SEC16A: variants seen among roughly 807,000 people sequenced by gnomAD.
The protein encoded by SEC16A is SEC16 homolog A, endoplasmic reticulum export factor.
SEC16A carries 110 observed loss-of-function variants against 221.9 expected under a neutral mutation model. The observed-to-expected ratio is 0.50, with a 90% confidence interval of 0.42 to 0.58. SEC16A has a LOEUF of 0.58. SEC16A is among the 20% of genes least tolerant of loss of function. The probability of loss-of-function intolerance (pLI) is 0.00; values close to 1 mark genes in which losing one functional copy is unlikely to be tolerated. For missense variants in SEC16A, 3,165 were observed against 3,097.8 expected (o/e 1.02, Z -0.52); for synonymous variants, 1,393 against 1,257.7 (o/e 1.11, Z -2.28).
chr9:136,478,653 T>C (rs1030049257), intron 2 of SEC16A, among the ~76,000 whole-genome samples, 56 bp downstream of exon 2: 2 of 150,172 alleles, frequency 1.3e-5, no homozygotes, highest in South Asian at 2.1e-4. Flanking sequence ...CTGGGCAACA[T>C]AGCAAGACCT....
At chr9:136,461,370 CACAA>C (rs1839458649) in intron 12 of SEC16A, 96 bp from the exon 13 acceptor site, 4 of 850,586 alleles carry the variant, frequency 4.7e-6, no homozygotes, top group East Asian at 5.3e-5. Flanking sequence ...GCAGCAGATA[CACAA>C]ACAACCCAAA....
chr9:136,468,475 C>T lies in SEC16A; in HGVS notation c.3742G>A (p.Gly1248Arg). 11 of 1,613,398 alleles carry T rather than the reference C, an allele frequency of 6.8e-6. No homozygotes were observed. Among genetic ancestry groups the T allele is most frequent in the Non-Finnish European group, 9.3e-6 (11 of 1,179,374 alleles). Residue 1248 changes from glycine to arginine, a missense_variant, in exon 5 of 32, where the codon GGA becomes AGA. By Grantham distance (125) the Gly-to-Arg change is moderately radical. This residue lies in a region of SEC16A where 2,030 missense variants were observed against 1,923.1 expected (regional missense o/e 1.06). Transcript: ENST00000684901. ...TAGTAATCGCTCTGACTGCTCCATCCACTTTTGGAACTATAGTATCCTTCA... is the reference window on the plus strand; with the variant it reads ...TAGTAATCGCTCTGACTGCTCCATCTACTTTTGGAACTATAGTATCCTTCA... Reference protein sequence around the residue: ...YPEGYYSSKSGWSSQSDYYAS... With the variant: ...YPEGYYSSKSRWSSQSDYYAS...
chr9:136,476,357 GC>G lies in SEC16A; in HGVS notation c.1258del (p.Ala420GlnfsTer43). 6.2e-7 allele frequency: 1 copy of G among 1,612,812 alleles called. No homozygotes were observed. Among genetic ancestry groups the G allele is most frequent in the Non-Finnish European group, 8.5e-7 (1 of 1,179,888 alleles). On this transcript the variant is annotated frameshift_variant, in exon 3 of 32. Transcript: ENST00000684901. LOFTEE classifies it high-confidence loss of function. ...GAGAAGGGCCTGGCAGAGGCTGCCT[GC>G]CCCCACGTGTGTAGGTGCGGGCGGA... ...GRPPAPTHVG[A>X]GSLCQALLPG... is the part of the protein sequence containing the mutation.
At chr9:136,471,226 G>A (rs890989575) in intron 4 of SEC16A, among the ~76,000 whole-genome samples, 4 of 151,920 alleles carry the variant, frequency 2.6e-5, no homozygotes, top group African/African-American at 7.3e-5. Context: ...TAGCACTTTG[G>A]GAGACCAGGG....
At chr9:136,444,324 C>T (rs751813602) in intron 30 of SEC16A, among the ~76,000 whole-genome samples, 2 of 151,850 alleles carry the variant, frequency 1.3e-5, no homozygotes, top group Non-Finnish European at 2.9e-5. Flanking sequence ...GAAGATGAAG[C>T]GTTCGTTCAC....
intron 18 of SEC16A, among the ~76,000 whole-genome samples, 160 bp downstream of exon 18, chr9:136,457,284 C>T (rs1343410193): frequency 6.6e-6 from 1 of 152,262 alleles, no homozygotes; most frequent in Non-Finnish European, 1.5e-5. Context: ...ACGCAAAACA[C>T]GAAGCCATTC....
intron 23 of SEC16A, chr9:136,448,727 A>G: frequency 1.4e-6 from 1 of 700,910 alleles, no homozygotes; most frequent in Non-Finnish European, 2.6e-6. Flanking sequence ...AGATCCACAG[A>G]GACACCAGGA....
At chr9:136,468,573 G>T in intron 4 of SEC16A, 61 bp from the exon 5 acceptor site, 1 of 1,097,612 alleles carries the variant, frequency 9.1e-7, no homozygotes, top group Non-Finnish European at 1.4e-6. Flanking sequence ...TGTGACATCA[G>T]CCAATACAAA....
At chr9:136,454,041 C>T (rs1280628314) in intron 21 of SEC16A, 68 bp downstream of exon 21, 2 of 1,366,584 alleles carry the variant, frequency 1.5e-6, no homozygotes, top group African/African-American at 1.4e-5. Context: ...CAATCTCTTC[C>T]ACCAATCCCC....
At chr9:136,458,033 T>C (rs1205478075) in intron 17 of SEC16A, among the ~76,000 whole-genome samples, 1 of 152,076 alleles carries the variant, frequency 6.6e-6, no homozygotes, top group East Asian at 1.9e-4. Flanking sequence ...CACAGCTCAC[T>C]GCAGCCTCAA....
rs1267054668 is a variant in SEC16A, at chr9:136,477,403, G to C, written c.213C>G (p.Ser71=). Residue 71 remains serine, a synonymous_variant, in exon 3 of 32, where the codon TCC becomes TCG. Transcript: ENST00000684901. The part of the protein sequence containing the change: ...ALQSTPLGSS[S]KSSPPVLQGP... The stretch of plus-strand genomic sequence containing the variant: ...CTTGCAAGACAGGTGGACTGCTTTT[G>C]GACGAACTGCCCAGTGGTGTACTTT... 1.2e-6 allele frequency: 2 copies of C among 1,614,014 alleles called. No homozygotes were observed. The highest frequency in any genetic ancestry group is 1.7e-6 in the Non-Finnish European group (2 of 1,179,888).
rs538164371 is a variant in SEC16A at position 136,457,078 on chromosome 9, C to T, written c.5550+366G>A. Among the ~76,000 whole-genome samples, 4 of 152,304 alleles carry T rather than the reference C, an allele frequency of 2.6e-5. No individual in the cohort carries two copies. In the South Asian group the frequency reaches 6.2e-4, roughly 24 times the overall value. ...ATCCCAGCTACTTGGGAGGCTGAGGCAGGAGCATCACTTGAATCTGGGAGG... is the reference window on the plus strand; with the variant it reads ...ATCCCAGCTACTTGGGAGGCTGAGGTAGGAGCATCACTTGAATCTGGGAGG... On this transcript the variant is annotated intron_variant, in intron 18 of 31. Transcript: ENST00000684901.
intron 31 of SEC16A, 22 bp downstream of exon 31, chr9:136,443,801 G>C (rs1467131478): frequency 6.2e-7 from 1 of 1,602,556 alleles, no homozygotes; most frequent in South Asian, 1.1e-5. Flanking sequence ...GGGTCTCGTA[G>C]GGAAAGGTAG....
chr9:136,461,937 C>A (rs1435822515), intron 12 of SEC16A, among the ~76,000 whole-genome samples: 1 of 149,114 alleles, frequency 6.7e-6, no homozygotes, highest in Non-Finnish European at 1.5e-5. Flanking sequence ...GAAACCCCGT[C>A]TCTACAAAAA....
At chr9:136,442,587 C>T (rs985146039) in intron 31 of SEC16A, among the ~76,000 whole-genome samples, 4 of 152,296 alleles carry the variant, frequency 2.6e-5, no homozygotes, top group African/African-American at 7.2e-5. Flanking sequence ...GGAGGAGAGA[C>T]GAGGCTGAGG....
rs375839951 is a variant in SEC16A, at chr9:136,474,536, G to T, written c.3080C>A (p.Pro1027His). 22 of 1,612,782 alleles carry T rather than the reference G, an allele frequency of 1.4e-5. No individual in the cohort carries two copies. The highest frequency in any genetic ancestry group is 1.9e-5 in the Non-Finnish European group (22 of 1,179,802). ...LASQQSVASH[P>H]RQSGPGAPNL... ...AGGCGCCCCAGGCCCAGATTGTCTG[G>T]GATGACTGGCAACACTTTGCTGAGA... The change falls in exon 3 of 32, where the codon CCC becomes CAC. Residue 1027 changes from proline to histidine, a missense_variant. Physicochemically the swap from Pro to His is moderately conservative, Grantham distance 77. Around this residue, in one of 3 missense-constraint regions of SEC16A, gnomAD observed 2,030 missense variants for 1,923.1 expected, o/e 1.06. Transcript: ENST00000684901.
upstream of SEC16A, chr9:136,484,440 C>G (rs1049147380): frequency 4.2e-6 from 5 of 1,201,682 alleles, no homozygotes; most frequent in African/African-American, 1.6e-5. Context: ...GTTGAGGAAG[C>G]GGCCAGCCAT....
upstream of SEC16A, chr9:136,483,864 C>G (rs911166299): frequency 2.4e-5 from 22 of 932,300 alleles, no homozygotes; most frequent in Non-Finnish European, 2.7e-5. Flanking sequence ...CGCCTGCGCG[C>G]TGGTTGCCTG....
chr9:136,455,471 T>A, intron 20 of SEC16A, 130 bp downstream of exon 20: 1 of 828,350 alleles, frequency 1.2e-6, no homozygotes. Flanking sequence ...ACCACCGAGG[T>A]GGTGTGAGAC....
Sources: allele counts gnomAD v4.1 joint callset (sites outside exome capture counted in the v4.1 genomes callset), GRCh38; gene constraint gnomAD v4.1.1; regional missense constraint gnomAD v4.1.1; transcripts MANE v1.5; gene names NCBI Gene and HGNC (gene_info 2026-07-23, HGNC 2026-07-21).